Variants in NLGN1 observed in about 807,000 individuals in gnomAD.
NLGN1 encodes neuroligin 1.
A neutral mutation model predicts 65.5 loss-of-function variants in NLGN1; 12 were observed. That is an observed-to-expected ratio of 0.18 (90% CI 0.12 to 0.30). The LOEUF (loss-of-function observed/expected upper bound fraction) is 0.30, where lower values mean the gene tolerates loss of function less well. Among genes scored for constraint, NLGN1 ranks in the 10% least tolerant of loss-of-function variants. The pLI is 1.00. For missense variants in NLGN1, 750 were observed against 1,007.1 expected (o/e 0.74, Z 3.46); for synonymous variants, 350 against 359.5 (o/e 0.97, Z 0.30).
intron 4 of NLGN1, among the ~76,000 whole-genome samples, chr3:174,237,142 T>C (rs888741329): frequency 1.3e-5 from 2 of 152,162 alleles, no homozygotes; most frequent in African/African-American, 4.8e-5. Flanking sequence ...AAAGTCTTTT[T>C]TGCTTTTCTA....
intron 3 of NLGN1, among the ~76,000 whole-genome samples, chr3:173,798,954 T>G (rs1714784553): frequency 6.6e-6 from 1 of 151,974 alleles, no homozygotes; most frequent in Non-Finnish European, 1.5e-5. Context: ...AATAGTAAAT[T>G]TAGTTTGGAA....
chr3:174,036,589 T>TG (rs1394908153), intron 4 of NLGN1, among the ~76,000 whole-genome samples: 2 of 151,258 alleles, frequency 1.3e-5, no homozygotes, highest in African/African-American at 4.9e-5. Context: ...TTGTTGTTTT[T>TG]TTTTTTTTTT....
chr3:173,651,677 A>C (rs1187748905), intron 3 of NLGN1, among the ~76,000 whole-genome samples: 2 of 152,050 alleles, frequency 1.3e-5, no homozygotes, highest in South Asian at 4.1e-4. Context: ...ATGATACCTC[A>C]TTGTGGTTTT....
At chr3:174,258,093 C>G (rs1473067310) in intron 4 of NLGN1, among the ~76,000 whole-genome samples, 1 of 152,090 alleles carries the variant, frequency 6.6e-6, no homozygotes, top group Admixed American at 6.5e-5. Context: ...AGTCCCCTAA[C>G]TACTAGTTAG....
At chr3:174,131,936 A>G (rs993219369) in intron 4 of NLGN1, among the ~76,000 whole-genome samples, 2 of 152,146 alleles carry the variant, frequency 1.3e-5, no homozygotes, top group African/African-American at 2.4e-5. Flanking sequence ...CTGGATGCCT[A>G]TTTGGTACCA....
chr3:173,553,069 G>A (rs892351631), intron 2 of NLGN1, among the ~76,000 whole-genome samples: 2 of 152,006 alleles, frequency 1.3e-5, no homozygotes, highest in African/African-American at 2.4e-5. Flanking sequence ...TAAAATTTAC[G>A]GGGCAGTGCG....
intron 4 of NLGN1, among the ~76,000 whole-genome samples, chr3:173,859,035 C>T (rs1039245306): frequency 1.3e-4 from 20 of 151,974 alleles, no homozygotes; most frequent in African/African-American, 4.1e-4. Context: ...AAAATATCTG[C>T]GTTTAATACC....
intron 3 of NLGN1, among the ~76,000 whole-genome samples, chr3:173,708,520 A>G (rs1207487618): frequency 3.9e-5 from 6 of 152,202 alleles, no homozygotes; most frequent in Admixed American, 3.3e-4. Flanking sequence ...GGAAAAGACC[A>G]GGAGAGAGGC....
At chr3:173,563,302 T>C (rs535793900) in intron 2 of NLGN1, among the ~76,000 whole-genome samples, 67 of 152,360 alleles carry the variant, frequency 4.4e-4, no homozygotes, top group African/African-American at 1.5e-3. Context: ...ATAATGTGCA[T>C]GCACTTGCTA....
rs1222343954 is a variant in NLGN1 at position 173,875,901 on chromosome 3, CAGAA to C, written c.646+68074_646+68077del. On this transcript the variant is annotated intron_variant, in intron 4 of 6. Coordinates refer to ENST00000457714, the Ensembl canonical transcript of NLGN1. Reference sequence around the variant, plus strand: ...ACTTTGTAAATGAAATATAACTACTCAGAAAGAAGTTAGGAGATGCTTACAAAGA... The same window carrying C: ...ACTTTGTAAATGAAATATAACTACTCAGAAGTTAGGAGATGCTTACAAAGA... Among the ~76,000 whole-genome samples the C allele has an allele frequency of 3.3e-5, 5 of 151,968 alleles. No individual in the cohort carries two copies. In the East Asian group the frequency reaches 9.6e-4, roughly 29 times the overall value.
intron 4 of NLGN1, among the ~76,000 whole-genome samples, chr3:174,167,148 G>A (rs1290051278): frequency 2.0e-5 from 3 of 152,028 alleles, no homozygotes; most frequent in Non-Finnish European, 2.9e-5. Context: ...TTGTCACTCT[G>A]TGCCTTTTAA....
rs144906971 is a variant in NLGN1, at chr3:173,856,138, G to A, written c.646+48306G>A. On this transcript the variant is annotated intron_variant, in intron 4 of 6. Transcript: ENST00000457714. The stretch of plus-strand genomic sequence containing the variant: ...TTTGGGGTACTTCGTCAAGTGTACA[G>A]CTTCTTCTTTAAGCATGGATAAATA... 2.5e-4 allele frequency among the ~76,000 whole-genome samples: 38 copies of A among 152,244 alleles called. No individual in the cohort carries two copies. The Middle Eastern group carries it at 0.01, about 41-fold the overall frequency.
chr3:174,086,175 GTA>G (rs921258214), intron 4 of NLGN1, among the ~76,000 whole-genome samples: 2 of 144,586 alleles, frequency 1.4e-5, no homozygotes, highest in African/African-American at 2.7e-5. Context: ...ATTTGATGAA[GTA>G]TATATATGTG....
At chr3:173,684,883 A>G (rs962828787) in intron 3 of NLGN1, among the ~76,000 whole-genome samples, 1 of 152,348 alleles carries the variant, frequency 6.6e-6, no homozygotes, top group Admixed American at 6.5e-5. Context: ...GAGTGTTATT[A>G]CAAAAGCCTT....
chr3:174,068,400 G>A (rs886770048), intron 4 of NLGN1, among the ~76,000 whole-genome samples: 1 of 152,050 alleles, frequency 6.6e-6, no homozygotes. Context: ...AGAATGCTTA[G>A]GCAGAGGGGG....
At chr3:174,270,733 AG>A (rs1749243106) in intron 4 of NLGN1, among the ~76,000 whole-genome samples, 1 of 151,840 alleles carries the variant, frequency 6.6e-6, no homozygotes, top group Non-Finnish European at 1.5e-5. Flanking sequence ...TGAAGTTTAA[AG>A]CAGGAGACAG....
chr3:173,516,447 C>T (rs920540834), intron 2 of NLGN1, among the ~76,000 whole-genome samples: 71 of 152,152 alleles, frequency 4.7e-4, no homozygotes, highest in African/African-American at 1.6e-3. Context: ...TACTCCTCTT[C>T]CTGAACTTTT....
chr3:173,809,765 C>A (rs1200531597), intron 4 of NLGN1, among the ~76,000 whole-genome samples: 1 of 152,160 alleles, frequency 6.6e-6, no homozygotes, highest in African/African-American at 2.4e-5. Flanking sequence ...CATGCCCATA[C>A]CCCATTTTAA....
At chr3:173,915,487 C>G (rs887388583) in intron 4 of NLGN1, among the ~76,000 whole-genome samples, 1 of 152,164 alleles carries the variant, frequency 6.6e-6, no homozygotes, top group Admixed American at 6.6e-5. Flanking sequence ...TCCAATTAAG[C>G]TTTTCAGCAT....
Sources: allele counts gnomAD v4.1 joint callset (sites outside exome capture counted in the v4.1 genomes callset), GRCh38; gene constraint gnomAD v4.1.1; transcripts MANE v1.5; gene names NCBI Gene and HGNC (gene_info 2026-07-23, HGNC 2026-07-21).